MKLN1: variants seen among roughly 807,000 people sequenced by gnomAD.
MKLN1 encodes muskelin 1, also known as muskelin.
In MKLN1, 18 loss-of-function variants were observed where a neutral mutation model predicts 99.0. That is an observed-to-expected ratio of 0.18 (90% CI 0.13 to 0.27). The LOEUF (loss-of-function observed/expected upper bound fraction) is 0.27. MKLN1 is among the 10% of genes least tolerant of loss of function. MKLN1 has a pLI of 1.00. For synonymous variants in MKLN1, 288 were observed against 293.2 expected (o/e 0.98, Z 0.18); for missense variants, 621 against 875.9 (o/e 0.71, Z 3.67).
chr7:131,422,136 A>T (rs1461701519), intron 8 of MKLN1, among the ~76,000 whole-genome samples: 1 of 152,212 alleles, frequency 6.6e-6, no homozygotes, highest in African/African-American at 2.4e-5. Flanking sequence ...AAAGTTTTCT[A>T]GCACAAGGAT....
At chr7:131,222,913 G>A (rs375368119) in intron 3 of MKLN1, among the ~76,000 whole-genome samples, 13 of 151,602 alleles carry the variant, frequency 8.6e-5, no homozygotes, top group Middle Eastern at 6.8e-3. Context: ...ATGGTGGTGC[G>A]CACCTGTTAT....
intron 2 of MKLN1, among the ~76,000 whole-genome samples, chr7:131,182,156 A>G (rs886184808): frequency 5.3e-5 from 8 of 152,180 alleles, no homozygotes; most frequent in Non-Finnish European, 1.2e-4. Flanking sequence ...CATCATAAAT[A>G]TGTTCATCAA....
rs186694551 is a variant in MKLN1 at position 131,382,925 on chromosome 7, G to A, written c.169-4195G>A. On this transcript the variant is annotated intron_variant, in intron 2 of 17. Coordinates refer to ENST00000352689, the MANE Select transcript of MKLN1 (RefSeq NM_013255.5). ...TTTTTAGTAGAGACAGGGTTTCACC[G>A]TGTTAGCTAGGATGGTCTCGATCTC... is the stretch of plus-strand genomic sequence containing the variant. 3.9e-5 allele frequency among the ~76,000 whole-genome samples: 6 copies of A among 151,994 alleles called. No homozygotes were observed. In the East Asian group the frequency reaches 7.8e-4, roughly 20 times the overall value.
At chr7:131,430,362 C>G (rs562452005) in intron 9 of MKLN1, among the ~76,000 whole-genome samples, 1 of 151,764 alleles carries the variant, frequency 6.6e-6, no homozygotes, top group Non-Finnish European at 1.5e-5. Context: ...TTTCTTACCC[C>G]GGGAAAGTAT....
intron 3 of MKLN1, among the ~76,000 whole-genome samples, chr7:131,319,278 A>G (rs1798726342): frequency 6.6e-6 from 1 of 152,220 alleles, no homozygotes; most frequent in South Asian, 2.1e-4. Flanking sequence ...TTGGGGTGCA[A>G]GGCTGGTTCA....
intron 1 of MKLN1, among the ~76,000 whole-genome samples, chr7:131,139,530 C>A (rs776725733): frequency 8.5e-5 from 13 of 152,188 alleles, no homozygotes; most frequent in Non-Finnish European, 1.8e-4. Context: ...GCCTGGCCAG[C>A]TGCAGAGCCA....
chr7:131,475,539 C>T (rs961561733), intron 16 of MKLN1, among the ~76,000 whole-genome samples: 3 of 152,174 alleles, frequency 2.0e-5, no homozygotes, highest in African/African-American at 4.8e-5. Context: ...AGAAGCTGGG[C>T]GTGGTGGCTC....
At chr7:131,434,395 G>A (rs1795617622) in intron 9 of MKLN1, among the ~76,000 whole-genome samples, 1 of 152,072 alleles carries the variant, frequency 6.6e-6, no homozygotes, top group South Asian at 2.1e-4. Flanking sequence ...TTTGTTGGCT[G>A]GTAATATAGA....
chr7:131,314,295 C>T (rs1437851841), intron 3 of MKLN1, among the ~76,000 whole-genome samples: 2 of 152,154 alleles, frequency 1.3e-5, no homozygotes, highest in Non-Finnish European at 2.9e-5. Context: ...AGACAGAAGA[C>T]CCCAGAAAGG....
chr7:131,225,063 T>C (rs2116461007), intron 3 of MKLN1, among the ~76,000 whole-genome samples: 1 of 147,412 alleles, frequency 6.8e-6, no homozygotes, highest in East Asian at 2.0e-4. Context: ...ACAGAGAGAC[T>C]GTGTCTCAAA....
chr7:131,417,071 G>A (rs1329663761), intron 8 of MKLN1, among the ~76,000 whole-genome samples: 2 of 151,414 alleles, frequency 1.3e-5, no homozygotes, highest in Admixed American at 6.6e-5. Flanking sequence ...AAAGCGTAGC[G>A]AGAATGACTA....
intron 3 of MKLN1, among the ~76,000 whole-genome samples, chr7:131,205,392 G>T (rs867379146): frequency 6.6e-6 from 1 of 152,028 alleles, no homozygotes; most frequent in African/African-American, 2.4e-5. Flanking sequence ...TTTTCCGATC[G>T]CTTCTTGGGC....
intron 3 of MKLN1, among the ~76,000 whole-genome samples, chr7:131,263,659 C>T (rs556947196): frequency 6.6e-6 from 1 of 151,672 alleles, no homozygotes; most frequent in East Asian, 2.0e-4. Flanking sequence ...GCAACCTCTG[C>T]CTCCCGGGTT....
chr7:131,248,840 C>G (rs1214158120), intron 3 of MKLN1, among the ~76,000 whole-genome samples: 1 of 152,226 alleles, frequency 6.6e-6, no homozygotes, highest in Non-Finnish European at 1.5e-5. Flanking sequence ...TGAGAGGTCT[C>G]TCTTGTCCTG....
rs1797342207 is a variant in MKLN1, at chr7:131,488,358, C to T, written c.*630C>T. The stretch of plus-strand genomic sequence containing the variant: ...TGAGGTCTCAAGTTTGCACTCTTGG[C>T]CATAGAACTAAAAATGAAACCTGAG... On this transcript the variant is annotated 3_prime_UTR_variant, in exon 18 of 18. Transcript: ENST00000352689. 6.6e-6 allele frequency: 1 copy of T among 152,042 alleles called. No homozygotes were observed. Among genetic ancestry groups the T allele is most frequent in the Non-Finnish European group, 1.5e-5 (1 of 67,970 alleles). The allele number at this position is 152,042 out of a possible 1,614,324, so 9.4% of individuals were successfully genotyped here.
intron 3 of MKLN1, among the ~76,000 whole-genome samples, chr7:131,237,053 T>C (rs1225421634): frequency 6.6e-6 from 1 of 152,172 alleles, no homozygotes; most frequent in African/African-American, 2.4e-5. Context: ...AAGCTCTCAC[T>C]GATTTTTTGT....
intron 1 of MKLN1, among the ~76,000 whole-genome samples, chr7:131,134,455 C>T (rs767667610): frequency 7.9e-5 from 12 of 152,152 alleles, no homozygotes; most frequent in Non-Finnish European, 1.5e-4. Context: ...GACTCCTGAA[C>T]CTATGCATTC....
intron 11 of MKLN1, among the ~76,000 whole-genome samples, chr7:131,444,861 C>T (rs538598194): frequency 6.6e-6 from 1 of 150,948 alleles, no homozygotes; most frequent in East Asian, 1.9e-4. Context: ...CAGGGCCTTG[C>T]TGTGTTGCCC....
At chr7:131,290,529 C>G (rs1191904325) in intron 3 of MKLN1, among the ~76,000 whole-genome samples, 1 of 152,186 alleles carries the variant, frequency 6.6e-6, no homozygotes, top group Non-Finnish European at 1.5e-5. Context: ...CACTCATGCT[C>G]TTTGTGGAAT....
Sources: allele counts gnomAD v4.1 joint callset (sites outside exome capture counted in the v4.1 genomes callset), GRCh38; gene constraint gnomAD v4.1.1; transcripts MANE v1.5; gene names NCBI Gene and HGNC (gene_info 2026-07-23, HGNC 2026-07-21).